DCDC1: variants seen among roughly 807,000 people sequenced by gnomAD.
DCDC1 encodes doublecortin domain-containing protein 1.
In DCDC1, 200 loss-of-function variants were observed where a neutral mutation model predicts 178.3. The ratio of observed to expected loss-of-function variants is 1.12; its 90% CI spans 1.00 to 1.26. The LOEUF (loss-of-function observed/expected upper bound fraction) is 1.26. Among genes scored for constraint, DCDC1 ranks in the 50% most tolerant of loss-of-function variants. DCDC1 has a pLI of 0.00. For synonymous variants in DCDC1, 690 were observed against 604.8 expected (o/e 1.14, Z -2.07); for missense variants, 1,983 against 1,749.2 (o/e 1.13, Z -2.38).
intron 20 of DCDC1, among the ~76,000 whole-genome samples, chr11:31,022,663 G>T (rs1408514356): frequency 6.7e-6 from 1 of 149,978 alleles, no homozygotes; most frequent in African/African-American, 2.5e-5. Context: ...GTGTGTGTGT[G>T]TGTGTGTGTG....
At chr11:31,307,971 C>A (rs1418951657) in intron 3 of DCDC1, 63 bp from the exon 4 acceptor site, 26 of 1,585,054 alleles carry the variant, frequency 1.6e-5, no homozygotes, top group Non-Finnish European at 2.1e-5. Flanking sequence ...TTAACAAATA[C>A]CATATAATAA....
chr11:30,892,789 A>G (rs916042557), intron 36 of DCDC1, 29 bp downstream of exon 36: 6 of 1,612,818 alleles, frequency 3.7e-6, no homozygotes, highest in East Asian at 2.2e-5. Context: ...ACTCAGGCCT[A>G]TGAAACACTC....
At chr11:31,175,672 C>A (rs1967917796) in intron 9 of DCDC1, among the ~76,000 whole-genome samples, 3 of 152,218 alleles carry the variant, frequency 2.0e-5, no homozygotes, top group African/African-American at 7.2e-5. Context: ...GACATCCTAT[C>A]AACCTCCATG....
rs562154065 is a variant in DCDC1, at chr11:31,148,701, T to A, written c.1222-10917A>T. On this transcript the variant is annotated intron_variant, in intron 9 of 38. Coordinates refer to ENST00000684477, the MANE Select transcript of DCDC1 (RefSeq NM_001387274.1). ...CTTTTATACAGAGCAAGACTCCGTC[T>A]CAAAAAAAAAAAAAGTTCACGGTCT... Among the ~76,000 whole-genome samples, 1,292 of 135,344 alleles carry A rather than the reference T, an allele frequency of 9.5e-3. 9 individuals carry two copies. The highest frequency in any genetic ancestry group is 0.015 in the Non-Finnish European group (927 of 62,634). The allele number at this position is 135,344 out of a possible 152,430, so 88.8% of individuals were successfully genotyped here. A position where few individuals can be genotyped will look rare whatever the true frequency, so the allele number is the denominator to read the frequency against.
intron 11 of DCDC1, among the ~76,000 whole-genome samples, chr11:31,125,193 C>T (rs1320416766): frequency 2.6e-5 from 4 of 152,164 alleles, no homozygotes; most frequent in South Asian, 2.1e-4. Context: ...CATCACTGAT[C>T]GTTAGAGAAA....
chr11:30,945,986 T>C (rs1230519314), intron 21 of DCDC1, among the ~76,000 whole-genome samples: 1 of 152,102 alleles, frequency 6.6e-6, no homozygotes, highest in Admixed American at 6.5e-5. Context: ...TTTGAGTACC[T>C]ATTCAATCAA....
At chr11:30,981,032 T>C (rs1321552026) in intron 20 of DCDC1, among the ~76,000 whole-genome samples, 1 of 152,174 alleles carries the variant, frequency 6.6e-6, no homozygotes, top group Non-Finnish European at 1.5e-5. Flanking sequence ...AATTATGTCT[T>C]TTGCAGCAAC....
chr11:31,125,937 T>A (rs1270422476), intron 11 of DCDC1, among the ~76,000 whole-genome samples: 5 of 151,716 alleles, frequency 3.3e-5, no homozygotes, highest in African/African-American at 1.2e-4. Context: ...AAATTAAAAT[T>A]AAAATAAAAT....
chr11:30,914,515 A>C (rs1234235966), intron 27 of DCDC1, among the ~76,000 whole-genome samples: 1 of 152,186 alleles, frequency 6.6e-6, no homozygotes, highest in African/African-American at 2.4e-5. Flanking sequence ...CAAGAGATTA[A>C]AGAGGTCCCT....
At chr11:31,093,967 C>CTCAT (rs1024205127) in intron 16 of DCDC1, 83 bp downstream of exon 16, 10 of 717,798 alleles carry the variant, frequency 1.4e-5, no homozygotes, top group Non-Finnish European at 2.3e-5. Context: ...TGCCCATGTG[C>CTCAT]ATGAGAGCAC....
At chr11:31,141,581 T>C (rs1479081849) in intron 9 of DCDC1, among the ~76,000 whole-genome samples, 1 of 152,208 alleles carries the variant, frequency 6.6e-6, no homozygotes, top group Non-Finnish European at 1.5e-5. Flanking sequence ...AGTTGATCTA[T>C]TAATAAATAT....
Position 31,328,186 on chromosome 11 carries a change from CTACTTTGCTGTAA to C in DCDC1, c.82_94del (p.Leu28AlafsTer11), listed in dbSNP as rs777682550. 3.1e-6 allele frequency: 5 copies of C among 1,612,180 alleles called. No homozygotes were observed. Among genetic ancestry groups the C allele is most frequent in the Non-Finnish European group, 4.2e-6 (5 of 1,178,844 alleles). On this transcript the variant is annotated frameshift_variant, in exon 3 of 39. Transcript: ENST00000684477. LOFTEE classifies it high-confidence loss of function. ...ATTCCCATCCAAAGTGCCTTCAGGG[CTACTTTGCTGTAA>C]TACTTCCATTGCTTCAGTCAAGAGG...
intron 9 of DCDC1, among the ~76,000 whole-genome samples, chr11:31,148,265 G>A (rs902542010): frequency 6.7e-6 from 1 of 148,426 alleles, no homozygotes; most frequent in Non-Finnish European, 1.5e-5. Flanking sequence ...AGCCATTTAA[G>A]GCCGGGCGCC....
At chr11:31,081,746 C>T (rs1957189698) in intron 17 of DCDC1, among the ~76,000 whole-genome samples, 1 of 152,132 alleles carries the variant, frequency 6.6e-6, no homozygotes, top group African/African-American at 2.4e-5. Flanking sequence ...ACCATGTAGT[C>T]TTATATAATC....
chr11:31,201,722 C>G (rs768644286), intron 9 of DCDC1, among the ~76,000 whole-genome samples: 1 of 149,562 alleles, frequency 6.7e-6, no homozygotes, highest in Non-Finnish European at 1.5e-5. Flanking sequence ...GGGGTTGCCA[C>G]ATTAAGAAAA....
intron 9 of DCDC1, among the ~76,000 whole-genome samples, chr11:31,139,667 C>T (rs1168676768): frequency 3.3e-5 from 5 of 152,228 alleles, no homozygotes; most frequent in South Asian, 2.1e-4. Flanking sequence ...CCGATGCTAA[C>T]GAGTTTTCAG....
intron 15 of DCDC1, among the ~76,000 whole-genome samples, chr11:31,096,297 A>C (rs984579303): frequency 6.6e-6 from 1 of 152,008 alleles, no homozygotes; most frequent in African/African-American, 2.4e-5. Context: ...GATAAACTAC[A>C]TTGTACTAAT....
chr11:31,108,263 T>G (rs1295779583), intron 12 of DCDC1, among the ~76,000 whole-genome samples: 9 of 152,214 alleles, frequency 5.9e-5, no homozygotes, highest in Admixed American at 5.9e-4. Flanking sequence ...CCATCCAGCA[T>G]AGCCAATTCC....
chr11:30,872,223 C>G (rs1241208467), intron 38 of DCDC1, among the ~76,000 whole-genome samples: 2 of 151,922 alleles, frequency 1.3e-5, no homozygotes, highest in Non-Finnish European at 2.9e-5. Context: ...TAAAACAGTC[C>G]TAGTGCCATT....
Sources: gnomAD v4.1 joint callset for allele counts (sites outside exome capture counted in the v4.1 genomes callset) on GRCh38, gnomAD v4.1.1 for gene constraint, MANE v1.5 for transcripts, NCBI Gene and HGNC (gene_info 2026-07-23, HGNC 2026-07-21) for gene names.